Variants in ALPK1 observed in about 807,000 individuals in gnomAD.
The protein encoded by ALPK1 is alpha kinase 1.
Under a neutral mutation model 120.6 loss-of-function variants are expected in ALPK1, and 110 were observed. That is an observed-to-expected ratio of 0.91 (90% CI 0.78 to 1.07). The LOEUF (loss-of-function observed/expected upper bound fraction) is 1.07, where lower values mean the gene tolerates loss of function less well. Ranked by LOEUF, ALPK1 falls within the 50% of genes least tolerant of loss-of-function variation. The pLI, the probability that ALPK1 is intolerant of heterozygous loss-of-function variation, is 0.00. For synonymous variants in ALPK1, 582 were observed against 560.3 expected, an observed-to-expected ratio of 1.04 and a Z score of -0.55; for missense variants, 1,498 against 1,483.9, an observed-to-expected ratio of 1.01 and a Z score of -0.16.
intron 5 of ALPK1, chr4:112,414,628 C>T (rs1283933581): frequency 1.7e-5 from 3 of 177,814 alleles, no homozygotes; most frequent in Admixed American, 1.1e-4. Flanking sequence ...AAAAGAGAGA[C>T]GACTCACAAG....
intron 4 of ALPK1, among the ~76,000 whole-genome samples, chr4:112,401,053 C>T (rs1316710041): frequency 6.6e-6 from 1 of 152,130 alleles, no homozygotes; most frequent in East Asian, 1.9e-4. Context: ...AACCGATGCC[C>T]GGGTGTACTC....
intron 2 of ALPK1, among the ~76,000 whole-genome samples, chr4:112,349,555 C>CT (rs1553939372): frequency 7.0e-6 from 1 of 142,678 alleles, no homozygotes; most frequent in South Asian, 2.4e-4. Context: ...ACCCCTGCCC[C>CT]CCCCCGCTTT....
intron 4 of ALPK1, among the ~76,000 whole-genome samples, chr4:112,394,570 A>G (rs1203887000): frequency 6.6e-6 from 1 of 152,192 alleles, no homozygotes; most frequent in Admixed American, 6.5e-5. Flanking sequence ...ATCACCAAGG[A>G]TTTAAACCCT....
chr4:112,432,398 C>G lies in ALPK1; in HGVS notation c.2851C>G (p.Leu951Val). The stretch of plus-strand genomic sequence containing the variant: ...TGAGGGGGACAGCCCTTGGTCCTAT[C>G]TGAATTCCAGTGGGAGTTCTTGGGT... ...SSEGDSPWSY[L>V]NSSGSSWVSL... Residue 951 changes from leucine (L) to valine (V), a missense_variant, in exon 11 of 16, where the codon CTG becomes GTG. By Grantham distance (32) the Leu-to-Val change is conservative. Coordinates refer to ENST00000650871, the MANE Select transcript of ALPK1 (RefSeq NM_025144.4). The G allele has an allele frequency of 6.2e-7, 1 of 1,614,190 alleles. No homozygotes were observed.
rs569427555 is a variant in ALPK1 at position 112,305,409 on chromosome 4, G to A, written c.-153+7940G>A. On this transcript the variant is annotated intron_variant, in intron 1 of 15. Transcript: ENST00000650871. ...ATGGAATGTTCTTCCATTTGTTTGTGTCCTCTTTTATTTCATTGAGCAGTG... is the reference window on the plus strand; with the variant it reads ...ATGGAATGTTCTTCCATTTGTTTGTATCCTCTTTTATTTCATTGAGCAGTG... Among the ~76,000 whole-genome samples the A allele has an allele frequency of 6.4e-3, 957 of 150,536 alleles. 8 individuals carry two copies. The highest frequency in any genetic ancestry group is 8.8e-3 in the Non-Finnish European group (593 of 67,440).
chr4:112,344,021 T>C (rs1321133604), intron 2 of ALPK1, among the ~76,000 whole-genome samples: 1 of 152,196 alleles, frequency 6.6e-6, no homozygotes, highest in Non-Finnish European at 1.5e-5. Flanking sequence ...GCCTTTCATG[T>C]TGGTGCATAT....
intron 9 of ALPK1, 50 bp downstream of exon 9, chr4:112,427,715 T>A (rs986267825): frequency 7.3e-7 from 1 of 1,365,838 alleles, no homozygotes; most frequent in Non-Finnish European, 1.0e-6. Context: ...GTCAATCGTG[T>A]CCTTGGTGGT....
intron 2 of ALPK1, among the ~76,000 whole-genome samples, chr4:112,332,331 C>G (rs112906787): frequency 6.6e-6 from 1 of 152,302 alleles, no homozygotes; most frequent in Non-Finnish European, 1.5e-5. Context: ...GAAGGTACAG[C>G]AAATTGACTT....
chr4:112,347,387 T>A (rs1730143814), intron 2 of ALPK1, among the ~76,000 whole-genome samples: 1 of 152,250 alleles, frequency 6.6e-6, no homozygotes, highest in South Asian at 2.1e-4. Flanking sequence ...GGAACCATAT[T>A]CCTTGCTACC....
chr4:112,368,725 T>C (rs1731262917), intron 2 of ALPK1, among the ~76,000 whole-genome samples: 1 of 152,158 alleles, frequency 6.6e-6, no homozygotes, highest in African/African-American at 2.4e-5. Flanking sequence ...AAATTTTTGT[T>C]CCCCTCCATC....
intron 9 of ALPK1, 26 bp from the exon 10 acceptor site, chr4:112,429,123 C>A (rs780347557): frequency 1.3e-6 from 2 of 1,589,730 alleles, no homozygotes; most frequent in South Asian, 2.2e-5. Context: ...TATCACCATT[C>A]CACTTAGCCT....
chr4:112,369,526 G>C (rs531255928), intron 2 of ALPK1, among the ~76,000 whole-genome samples: 1 of 151,560 alleles, frequency 6.6e-6, no homozygotes, highest in Admixed American at 6.6e-5. Context: ...TTAAAAAGAC[G>C]TTTTAGATTA....
chr4:112,398,138 T>C (rs1732746486), intron 4 of ALPK1, among the ~76,000 whole-genome samples: 1 of 152,016 alleles, frequency 6.6e-6, no homozygotes, highest in South Asian at 2.1e-4. Flanking sequence ...GCATTGCAGA[T>C]GGAAGGAGCA....
intron 1 of ALPK1, among the ~76,000 whole-genome samples, chr4:112,315,031 C>T (rs1224138683): frequency 6.6e-6 from 1 of 151,738 alleles, no homozygotes; most frequent in Admixed American, 6.6e-5. Flanking sequence ...CAGGCACGCG[C>T]CACCACACCT....
At chr4:112,403,227 TG>T (rs1314903527) in intron 4 of ALPK1, among the ~76,000 whole-genome samples, 1 of 151,864 alleles carries the variant, frequency 6.6e-6, no homozygotes, top group Non-Finnish European at 1.5e-5. Context: ...GCATACATTT[TG>T]GGAAGATTCC....
At chr4:112,346,494 T>C (rs1171674643) in intron 2 of ALPK1, among the ~76,000 whole-genome samples, 1 of 152,238 alleles carries the variant, frequency 6.6e-6, no homozygotes, top group South Asian at 2.1e-4. Flanking sequence ...TCCTACTCCA[T>C]CTTCATTGAT....
chr4:112,437,722 C>G (rs1161367999), intron 12 of ALPK1, among the ~76,000 whole-genome samples: 1 of 152,150 alleles, frequency 6.6e-6, no homozygotes, highest in African/African-American at 2.4e-5. Flanking sequence ...CCACAGCCTC[C>G]TTAAGTTCCA....
At chr4:112,318,503 G>A (rs1728731124) in intron 2 of ALPK1, among the ~76,000 whole-genome samples, 2 of 152,192 alleles carry the variant, frequency 1.3e-5, no homozygotes, top group African/African-American at 2.4e-5. Context: ...CACTTCTCCA[G>A]GTTGCTTCTG....
At chr4:112,384,129 A>C (rs1410788308) in intron 4 of ALPK1, 1 of 152,228 alleles carries the variant, frequency 6.6e-6, no homozygotes, top group African/African-American at 2.4e-5. Flanking sequence ...TGAACAAGGA[A>C]ATTAAGGTGC....
Sources: gnomAD v4.1 joint callset for allele counts (sites outside exome capture counted in the v4.1 genomes callset) on GRCh38, gnomAD v4.1.1 for gene constraint, MANE v1.5 for transcripts, NCBI Gene and HGNC (gene_info 2026-07-23, HGNC 2026-07-21) for gene names.